Variants in PLCXD1 observed in about 807,000 individuals in gnomAD.
The protein encoded by PLCXD1 is PI-PLC X domain-containing protein 1.
A neutral mutation model predicts 37.8 loss-of-function variants in PLCXD1; 45 were observed. The observed-to-expected ratio is 1.19, with a 90% CI of 0.94 to 1.53. The LOEUF is 1.53. PLCXD1 is among the 40% of genes most tolerant of loss of function. The pLI, the probability that PLCXD1 is intolerant of heterozygous loss-of-function variation, is 0.00. For missense variants in PLCXD1, 539 were observed against 454.7 expected, an observed-to-expected ratio of 1.19 and a Z score of -1.69; for synonymous variants, 246 against 206.9, an observed-to-expected ratio of 1.19 and a Z score of -1.62.
intron 5 of PLCXD1, among the ~76,000 whole-genome samples, 177 bp from the exon 6 acceptor site, chrX:292,858 C>T (rs888615744): frequency 3.3e-5 from 5 of 152,078 alleles, no homozygotes; most frequent in Non-Finnish European, 7.4e-5. Context: ...GGTGATCCAC[C>T]CACCTCGGCC....
chrX:289,157 G>A (rs1316737104), intron 3 of PLCXD1, among the ~76,000 whole-genome samples: 15 of 152,074 alleles, frequency 9.9e-5, no homozygotes, highest in African/African-American at 3.6e-4. Flanking sequence ...GCGTGATCTC[G>A]GCTCACTGCA....
intron 5 of PLCXD1, among the ~76,000 whole-genome samples, chrX:292,326 G>T (rs1276515999): frequency 6.6e-6 from 1 of 151,992 alleles, no homozygotes; most frequent in East Asian, 1.9e-4. Flanking sequence ...GGGCGTGGTG[G>T]CGGGCGCCTG....
At chrX:296,687 G>C (rs909084697) in intron 6 of PLCXD1, among the ~76,000 whole-genome samples, 6 of 152,216 alleles carry the variant, frequency 3.9e-5, no homozygotes, top group Admixed American at 6.5e-5. Flanking sequence ...CCTCATAAGA[G>C]ATGGCACAGA....
At chrX:278,755 A>AAAAAAG (rs1186527543), upstream of PLCXD1, among the ~76,000 whole-genome samples, 2 of 145,824 alleles carry the variant, frequency 1.4e-5, no homozygotes, top group African/African-American at 4.9e-5. Context: ...AAAAAAAAAA[A>AAAAAAG]AGTGTGTTTT....
upstream of PLCXD1, among the ~76,000 whole-genome samples, chrX:278,421 G>C (rs1359513993): frequency 6.6e-5 from 10 of 152,224 alleles, no homozygotes; most frequent in Admixed American, 5.2e-4. Flanking sequence ...AAGTATCTGA[G>C]ACAGGTCTCA....
Position 299,486 on chromosome X carries a change from C to T in PLCXD1, c.*151C>T, listed in dbSNP as rs1289082513. On this transcript the variant is annotated 3_prime_UTR_variant, in exon 7 of 7. Coordinates refer to ENST00000381657, the MANE Select transcript of PLCXD1 (RefSeq NM_018390.4). The stretch of plus-strand genomic sequence containing the variant: ...TTAAAATAGAGATGGGGTGGCTGGG[C>T]GTGGTGACTTCGCCTGTCTTCCCAG... 5.3e-5 allele frequency: 36 copies of T among 679,956 alleles called. No homozygotes were observed. Among genetic ancestry groups the T allele is most frequent in the South Asian group, 4.3e-4 (24 of 56,108 alleles). 42.1% of individuals were successfully genotyped at this position (679,956 alleles called of 1,614,324 possible).
chrX:293,400 G>A (rs1359511137), intron 6 of PLCXD1, among the ~76,000 whole-genome samples, 182 bp downstream of exon 6: 1 of 152,230 alleles, frequency 6.6e-6, no homozygotes, highest in Non-Finnish European at 1.5e-5. Context: ...GAGGCGGGTG[G>A]ATCACCTGAG....
chrX:292,310 T>C (rs1044164488), intron 5 of PLCXD1, among the ~76,000 whole-genome samples: 3 of 151,546 alleles, frequency 2.0e-5, no homozygotes, highest in African/African-American at 7.3e-5. Flanking sequence ...ATACAAACAA[T>C]TAGCCGGGCG....
At chrX:292,756 G>A (rs2069676692) in intron 5 of PLCXD1, among the ~76,000 whole-genome samples, 1 of 151,900 alleles carries the variant, frequency 6.6e-6, no homozygotes, top group Non-Finnish European at 1.5e-5. Context: ...GGGATGACAG[G>A]CGTGCACCAC....
chrX:283,946 A>C, intron 1 of PLCXD1: 1 of 461,916 alleles, frequency 2.2e-6, no homozygotes, highest in Non-Finnish European at 3.9e-6. Flanking sequence ...CAGTGGCGGG[A>C]TCTCCGCTCA....
chrX:294,749 G>A lies in PLCXD1; in HGVS notation c.733+1531G>A, dbSNP rs1412822188. Among the ~76,000 whole-genome samples, 15 of 151,656 alleles carry A rather than the reference G, an allele frequency of 9.9e-5. No individual in the cohort carries two copies. The East Asian group carries it at 1.6e-3, about 16-fold the overall frequency. The stretch of plus-strand genomic sequence containing the variant: ...AACCAGGAAGGCGGAGGTTGCAGTG[G>A]GCCGAGATCGAGCCAGTGTACTCCA... On this transcript the variant is annotated intron_variant, in intron 6 of 6. Coordinates refer to ENST00000381657, the MANE Select transcript of PLCXD1 (RefSeq NM_018390.4).
chrX:301,636 T>A lies in PLCXD1; in HGVS notation c.*2301T>A, dbSNP rs1481941067. On this transcript the variant is annotated 3_prime_UTR_variant, in exon 7 of 7. Coordinates refer to ENST00000381657, the MANE Select transcript of PLCXD1 (RefSeq NM_018390.4). ...TTATTTAGTAGTAGTAGGAGGAGTA[T>A]TATGTTTGAGATGGAGTCTCGCTCT... The A allele has an allele frequency of 6.6e-6, 1 of 152,158 alleles. No individual in the cohort carries two copies. The highest frequency in any genetic ancestry group is 1.5e-5 in the Non-Finnish European group (1 of 68,112). The allele number at this position is 152,158 out of a possible 1,614,324, so 9.4% of individuals were successfully genotyped here. A position where few individuals can be genotyped will look rare whatever the true frequency, so the allele number is the denominator to read the frequency against.
At position 291,784 on chromosome X, in the gene PLCXD1, G is replaced by A. The variant is rs773408843; in HGVS notation, c.549+130G>A. On this transcript the variant is annotated intron_variant, in intron 5 of 6. Transcript: ENST00000381657. ...TAGCAGGTGAAGCCGTCGAACGGGGGCTGCCTGCTCTCCCGCAGTGTGGGG... is the reference window on the plus strand; with the variant it reads ...TAGCAGGTGAAGCCGTCGAACGGGGACTGCCTGCTCTCCCGCAGTGTGGGG... The A allele has an allele frequency of 4.5e-4, 464 of 1,023,948 alleles. 2 individuals carry two copies. In the African/African-American group the frequency reaches 6.4e-3, roughly 14 times the overall value. 63.4% of individuals were successfully genotyped at this position (1,023,948 alleles called of 1,614,324 possible).
At chrX:296,850 C>T (rs865942332) in intron 6 of PLCXD1, among the ~76,000 whole-genome samples, 17 of 149,450 alleles carry the variant, frequency 1.1e-4, no homozygotes, top group East Asian at 3.9e-4. Flanking sequence ...GGGATTAGGA[C>T]GTGGACATCT....
At chrX:297,798 C>A (rs867361550) in intron 6 of PLCXD1, among the ~76,000 whole-genome samples, 44 of 43,386 alleles carry the variant, frequency 1.0e-3, no homozygotes, top group Middle Eastern at 0.019. Flanking sequence ...ATCTTTGGGG[C>A]CATTATTCTG....
intron 5 of PLCXD1, among the ~76,000 whole-genome samples, chrX:292,408 G>C (rs1327400220): frequency 6.6e-6 from 1 of 151,926 alleles, no homozygotes; most frequent in Non-Finnish European, 1.5e-5. Context: ...GCAGTGAGCC[G>C]AGATCGCGCC....
intron 2 of PLCXD1, among the ~76,000 whole-genome samples, chrX:285,321 G>A (rs2069414566): frequency 6.6e-6 from 1 of 151,538 alleles, no homozygotes; most frequent in African/African-American, 2.4e-5. Flanking sequence ...CACATGTGCG[G>A]GTGTGTACAC....
At chrX:279,097 C>T (rs1407057024), upstream of PLCXD1, among the ~76,000 whole-genome samples, 1 of 152,122 alleles carries the variant, frequency 6.6e-6, no homozygotes, top group Non-Finnish European at 1.5e-5. Flanking sequence ...CTATTGTCAG[C>T]AGAGGAGGGA....
chrX:284,143 T>C lies in PLCXD1; in HGVS notation c.-21-24T>C, dbSNP rs758910351. 1.2e-5 allele frequency: 20 copies of C among 1,607,252 alleles called. 1 individual carries two copies. In the South Asian group the frequency reaches 2.2e-4, roughly 18 times the overall value. On this transcript the variant is annotated intron_variant, in intron 1 of 6. Transcript: ENST00000381657. ...TGACCTGAAGTCACCGTAAAAAACC[T>C]CTTTTCCTCTTCTCCTTCCTCAGGT...
Sources: allele counts gnomAD v4.1 joint callset (sites outside exome capture counted in the v4.1 genomes callset), GRCh38; gene constraint gnomAD v4.1.1; transcripts MANE v1.5; gene names NCBI Gene and HGNC (gene_info 2026-07-23, HGNC 2026-07-21).